The following ENPP1 variants were observed in gnomAD, a reference collection of about 807,000 sequenced individuals.
The protein encoded by ENPP1 is ectonucleotide pyrophosphatase/phosphodiesterase family member 1.
ENPP1 carries 73 observed loss-of-function variants against 122.8 expected under a neutral mutation model. That is an observed-to-expected ratio of 0.59 (90% CI 0.49 to 0.72). The LOEUF (loss-of-function observed/expected upper bound fraction) is 0.72. Among genes scored for constraint, ENPP1 ranks in the 30% least tolerant of loss-of-function variants. The pLI, the probability that ENPP1 is intolerant of heterozygous loss-of-function variation, is 0.00. For synonymous variants in ENPP1, 367 were observed against 391.6 expected, an observed-to-expected ratio of 0.94 and a Z score of 0.74; for missense variants, 978 against 1,128.1, an observed-to-expected ratio of 0.87 and a Z score of 1.91.
intron 16 of ENPP1, 68 bp downstream of exon 16, chr6:131,874,405 T>C: frequency 1.2e-6 from 1 of 860,860 alleles, no homozygotes; most frequent in Non-Finnish European, 2.0e-6. Flanking sequence ...GTTTTAGACT[T>C]GAAAACATAC....
chr6:131,884,628 A>T (rs1165971531), intron 22 of ENPP1, among the ~76,000 whole-genome samples: 1 of 152,144 alleles, frequency 6.6e-6, no homozygotes, highest in Non-Finnish European at 1.5e-5. Flanking sequence ...AATTTTAATT[A>T]GCTGGGCATG....
chr6:131,845,843 C>T (rs772621309), intron 1 of ENPP1, among the ~76,000 whole-genome samples: 2 of 152,062 alleles, frequency 1.3e-5, no homozygotes, highest in African/African-American at 4.8e-5. Context: ...CTTCTGATAC[C>T]TTGTTCTGCT....
chr6:131,864,758 T>G (rs1562178775), intron 10 of ENPP1, 108 bp from the exon 11 acceptor site: 1 of 848,950 alleles, frequency 1.2e-6, no homozygotes, highest in Non-Finnish European at 2.0e-6. Flanking sequence ...AGTAGAACTG[T>G]TACACCAGTG....
At chr6:131,885,590 G>T (rs1782367319) in intron 23 of ENPP1, among the ~76,000 whole-genome samples, 1 of 152,078 alleles carries the variant, frequency 6.6e-6, no homozygotes, top group Non-Finnish European at 1.5e-5. Context: ...GAGAGGGAAA[G>T]AACATCTTGG....
At chr6:131,850,432 C>T (rs759965623) in intron 3 of ENPP1, among the ~76,000 whole-genome samples, 2 of 151,958 alleles carry the variant, frequency 1.3e-5, no homozygotes, top group African/African-American at 2.4e-5. Context: ...GGTTCTTTGA[C>T]GGCAAGAGAT....
intron 11 of ENPP1, 26 bp from the exon 12 acceptor site, chr6:131,867,992 A>T: frequency 7.0e-7 from 1 of 1,429,788 alleles, no homozygotes; most frequent in South Asian, 1.1e-5. Flanking sequence ...AAGGTATCAC[A>T]TGAGGTTGTT....
chr6:131,886,557 T>A lies in ENPP1; in HGVS notation c.2445-5T>A. On this transcript the variant is annotated splice_polypyrimidine_tract_variant and splice_region_variant and intron_variant, in intron 23 of 24. Transcript: ENST00000647893. ...TCTTAAAATGAATATTGGCATGTTTTACAGAAAAAGAAGAGTCATCCGTAA... is the reference window on the plus strand; with the variant it reads ...TCTTAAAATGAATATTGGCATGTTTAACAGAAAAAGAAGAGTCATCCGTAA... 1 of 1,605,734 alleles carries A rather than the reference T, an allele frequency of 6.2e-7. No individual in the cohort carries two copies. Among genetic ancestry groups the A allele is most frequent in the Non-Finnish European group, 8.5e-7 (1 of 1,172,456 alleles).
chr6:131,864,570 A>G lies in ENPP1; in HGVS notation c.1090A>G (p.Arg364Gly). 1.3e-6 allele frequency: 2 copies of G among 1,591,612 alleles called. No individual in the cohort carries two copies. The highest frequency in any genetic ancestry group is 2.2e-5 in the East Asian group (1 of 44,634). The change falls in exon 10 of 25, where the codon AGA (arginine) becomes GGA (glycine). Residue 364 changes from arginine (R) to glycine (G), a missense_variant and splice_region_variant. Physicochemically the swap from Arg to Gly is moderately radical, Grantham distance 125. This residue lies in a region of ENPP1 where 644 missense variants were observed against 781.5 expected (regional missense o/e 0.82). Transcript: ENST00000647893. ...GTGGCTACAGCTTCCTAAAGATGAA[A>G]GGTCTGTAGGCAATTAATTTCTATT... Reference protein sequence around the residue: ...LQWLQLPKDERPHFYTLYLEE... With the variant: ...LQWLQLPKDEGPHFYTLYLEE...
chr6:131,822,125 A>C (rs1202986604), intron 1 of ENPP1, among the ~76,000 whole-genome samples: 1 of 152,252 alleles, frequency 6.6e-6, no homozygotes, highest in African/African-American at 2.4e-5. Flanking sequence ...CTACTTGGAC[A>C]CGATTTATTT....
chr6:131,892,888 G>A lies in ENPP1; in HGVS notation c.*2377G>A, dbSNP rs1782489751. On this transcript the variant is annotated 3_prime_UTR_variant, in exon 25 of 25. Coordinates refer to ENST00000647893, the MANE Select transcript of ENPP1 (RefSeq NM_006208.3). ...TCTGGTCCTTTGGCAGGAGAGAGCA[G>A]GACTCTCTTAGGGCTTTTTTTTCCC... 6.6e-6 allele frequency: 1 copy of A among 152,080 alleles called. No homozygotes were observed. The highest frequency in any genetic ancestry group is 1.5e-5 in the Non-Finnish European group (1 of 68,032). The allele number at this position is 152,080 out of a possible 1,614,324, so 9.4% of individuals were successfully genotyped here.
intron 6 of ENPP1, among the ~76,000 whole-genome samples, chr6:131,857,167 T>C (rs1362841759): frequency 6.6e-6 from 1 of 151,122 alleles, no homozygotes; most frequent in Non-Finnish European, 1.5e-5. Flanking sequence ...CTGGAGAGGA[T>C]GTGGAGAAAT....
intron 1 of ENPP1, among the ~76,000 whole-genome samples, chr6:131,845,843 C>A (rs772621309): frequency 6.6e-6 from 1 of 152,062 alleles, no homozygotes; most frequent in Non-Finnish European, 1.5e-5. Context: ...CTTCTGATAC[C>A]TTGTTCTGCT....
chr6:131,860,548 A>G, intron 8 of ENPP1, 42 bp downstream of exon 8: 3 of 1,437,228 alleles, frequency 2.1e-6, no homozygotes, highest in East Asian at 2.3e-5. Flanking sequence ...AATTATTCTC[A>G]TCTATTTCAA....
At chr6:131,843,974 G>C (rs1488663895) in intron 1 of ENPP1, among the ~76,000 whole-genome samples, 2 of 151,958 alleles carry the variant, frequency 1.3e-5, no homozygotes, top group African/African-American at 4.8e-5. Flanking sequence ...GTGTGTATGT[G>C]GTGTTTTTGT....
intron 1 of ENPP1, among the ~76,000 whole-genome samples, chr6:131,837,172 T>TG (rs1554277406): frequency 1.5e-5 from 2 of 136,058 alleles, no homozygotes; most frequent in African/African-American, 5.5e-5. Flanking sequence ...CCTGTTGTCA[T>TG]TGTGTGTGTG....
chr6:131,837,503 A>G (rs577269168), intron 1 of ENPP1, among the ~76,000 whole-genome samples: 1 of 136,518 alleles, frequency 7.3e-6, no homozygotes, highest in South Asian at 2.5e-4. Context: ...CCTGGGTGAC[A>G]GTGTGAGACT....
chr6:131,875,892 T>A (rs762699827), intron 17 of ENPP1, 29 bp downstream of exon 17: 12 of 1,543,054 alleles, frequency 7.8e-6, no homozygotes, highest in African/African-American at 2.7e-5. Flanking sequence ...CTTTTTTCCC[T>A]TCTGAAAATA....
intron 1 of ENPP1, among the ~76,000 whole-genome samples, chr6:131,824,822 A>T (rs1011446953): frequency 1.3e-5 from 2 of 151,666 alleles, no homozygotes; most frequent in Admixed American, 1.3e-4. Flanking sequence ...GCACTTTGGG[A>T]GGCTGAGGCC....
At chr6:131,814,833 A>G (rs535210549) in intron 1 of ENPP1, among the ~76,000 whole-genome samples, 1 of 152,312 alleles carries the variant, frequency 6.6e-6, no homozygotes, top group South Asian at 2.1e-4. Flanking sequence ...TAAAATACAT[A>G]AAGGATTCCT....
Sources: allele counts gnomAD v4.1 joint callset (sites outside exome capture counted in the v4.1 genomes callset), GRCh38; gene constraint gnomAD v4.1.1; regional missense constraint gnomAD v4.1.1; transcripts MANE v1.5; gene names NCBI Gene and HGNC (gene_info 2026-07-23, HGNC 2026-07-21).